The following RANBP2 variants were observed in gnomAD, a reference collection of about 807,000 sequenced individuals.
RANBP2 encodes RAN binding protein 2.
A neutral mutation model predicts 303.6 loss-of-function variants in RANBP2; 57 were observed. That is an observed-to-expected ratio of 0.19 (90% CI 0.15 to 0.23). RANBP2 has a LOEUF of 0.23. Among genes scored for constraint, RANBP2 ranks in the 10% least tolerant of loss-of-function variants. The pLI, the probability that RANBP2 is intolerant of heterozygous loss-of-function variation, is 1.00. For synonymous variants in RANBP2, 1,167 were observed against 1,301.5 expected (o/e 0.90, Z 2.23); for missense variants, 3,138 against 3,780.8 (o/e 0.83, Z 4.46).
At chr2:109,614,356 C>G in the RANBP2 span, 2 of 767,864 alleles carry the variant, frequency 2.6e-6, no homozygotes, top group Non-Finnish European at 3.5e-6. Context: ...GCCGAGTCCT[C>G]TGGCCTCAGA....
chr2:108,766,655 G>T lies in RANBP2; in HGVS notation c.6116G>T (p.Arg2039Leu). 1 of 1,611,934 alleles carries T rather than the reference G, an allele frequency of 6.2e-7. No individual in the cohort carries two copies. Among genetic ancestry groups the T allele is most frequent in the Non-Finnish European group, 8.5e-7 (1 of 1,179,852 alleles). Residue 2039 changes from arginine to leucine, a missense_variant, in exon 20 of 29, where the codon CGG (arginine) becomes CTG (leucine). This residue lies in a region of RANBP2 where 348 missense variants were observed against 360.4 expected (regional missense o/e 0.97). Coordinates refer to ENST00000283195, the MANE Select transcript of RANBP2 (RefSeq NM_006267.5). Reference sequence around the variant, plus strand: ...GATGAAAAAGTTCTGTATTCACAGCGGGTAAAACTATTTAGATTTGATGCT... The same window carrying T: ...GATGAAAAAGTTCTGTATTCACAGCTGGTAAAACTATTTAGATTTGATGCT... ...EEDEKVLYSQRVKLFRFDAEV... is the reference protein window; with the variant it reads ...EEDEKVLYSQLVKLFRFDAEV...
chr2:109,280,255 G>A, the RANBP2 span, among the ~76,000 whole-genome samples: 9 of 152,178 alleles, frequency 5.9e-5, no homozygotes, highest in Non-Finnish European at 8.8e-5. Flanking sequence ...AGGACCTAGC[G>A]TGTTGGCACT....
At chr2:109,414,571 C>T in the RANBP2 span, among the ~76,000 whole-genome samples, 1 of 152,188 alleles carries the variant, frequency 6.6e-6, no homozygotes, top group Non-Finnish European at 1.5e-5. Flanking sequence ...CACCTGGGAG[C>T]TAAGGGCTTT....
At chr2:108,891,042 T>TAC in the RANBP2 span, among the ~76,000 whole-genome samples, 1 of 152,212 alleles carries the variant, frequency 6.6e-6, no homozygotes, top group Admixed American at 6.5e-5. Flanking sequence ...ATCTCTTTGA[T>TAC]AAATTTTTCA....
chr2:109,522,915 A>G, the RANBP2 span, among the ~76,000 whole-genome samples: 39 of 152,352 alleles, frequency 2.6e-4, 1 homozygote, highest in East Asian at 6.8e-3. Flanking sequence ...TCGTGTGTTT[A>G]GACACAGCTG....
chr2:109,541,293 T>C, the RANBP2 span, among the ~76,000 whole-genome samples: 1 of 152,248 alleles, frequency 6.6e-6, no homozygotes, highest in Non-Finnish European at 1.5e-5. Context: ...CACTATGTAT[T>C]TTCAAGTCTG....
the RANBP2 span, among the ~76,000 whole-genome samples, chr2:109,605,213 A>G: frequency 3.3e-5 from 5 of 152,216 alleles, no homozygotes; most frequent in Non-Finnish European, 5.9e-5. Context: ...TGGGCTGAAT[A>G]TAATTATACC....
chr2:108,835,652 G>A, the RANBP2 span, among the ~76,000 whole-genome samples: 34 of 152,046 alleles, frequency 2.2e-4, 1 homozygote, highest in Admixed American at 3.3e-4. Flanking sequence ...AAACTGTGAC[G>A]AAAACATAAA....
At chr2:109,555,095 CCT>C in the RANBP2 span, among the ~76,000 whole-genome samples, 2 of 152,214 alleles carry the variant, frequency 1.3e-5, no homozygotes, top group Non-Finnish European at 2.9e-5. Flanking sequence ...GCTTCTAGTT[CCT>C]CTTTCTTTCA....
chr2:109,292,199 A>G, the RANBP2 span, among the ~76,000 whole-genome samples: 2 of 152,336 alleles, frequency 1.3e-5, no homozygotes, highest in African/African-American at 4.8e-5. Flanking sequence ...TCTAATTAAA[A>G]GCATCATTTA....
At chr2:109,293,178 C>T in the RANBP2 span, among the ~76,000 whole-genome samples, 1 of 152,196 alleles carries the variant, frequency 6.6e-6, no homozygotes, top group Non-Finnish European at 1.5e-5. Flanking sequence ...CCTGGGCCTC[C>T]GATGGTGCTG....
chr2:108,864,522 G>A, the RANBP2 span, among the ~76,000 whole-genome samples: 190 of 152,016 alleles, frequency 1.2e-3, 1 homozygote, highest in Middle Eastern at 0.021. Context: ...AATTAGCCGG[G>A]CACGGTGGCT....
chr2:108,890,244 T>G, the RANBP2 span, among the ~76,000 whole-genome samples: 1 of 145,318 alleles, frequency 6.9e-6, no homozygotes, highest in Non-Finnish European at 1.5e-5. Flanking sequence ...TTTTTTTTTT[T>G]TTTTTTTTTT....
the RANBP2 span, among the ~76,000 whole-genome samples, chr2:109,355,164 A>G: frequency 1.2e-3 from 178 of 152,350 alleles, 1 homozygote; most frequent in Non-Finnish European, 1.8e-4. Context: ...CAGCATATGA[A>G]AGTCTACGGG....
the RANBP2 span, among the ~76,000 whole-genome samples, chr2:109,534,371 T>C: frequency 6.6e-6 from 1 of 152,200 alleles, no homozygotes; most frequent in Non-Finnish European, 1.5e-5. Context: ...CCACCTGTTC[T>C]AGTAGGATCA....
At chr2:108,720,125 G>A (rs1309001782) in intron 1 of RANBP2, 2 of 984,418 alleles carry the variant, frequency 2.0e-6, no homozygotes, top group African/African-American at 1.8e-5. Flanking sequence ...AACCCAGTGG[G>A]GACTGACGCA....
the RANBP2 span, among the ~76,000 whole-genome samples, chr2:109,367,218 C>A: frequency 1.3e-5 from 2 of 151,530 alleles, no homozygotes; most frequent in African/African-American, 4.8e-5. Context: ...CCTACTTCGG[C>A]CTACCAAAGA....
chr2:109,571,808 C>A, the RANBP2 span, among the ~76,000 whole-genome samples: 62 of 152,282 alleles, frequency 4.1e-4, 1 homozygote, highest in African/African-American at 1.3e-3. Context: ...TCAAGGTGGA[C>A]TGCCTCTGAA....
chr2:109,337,357 C>G, the RANBP2 span, among the ~76,000 whole-genome samples: 2 of 152,246 alleles, frequency 1.3e-5, no homozygotes, highest in East Asian at 3.9e-4. Flanking sequence ...TGGCCCTGCT[C>G]CCATCTGTCC....
Sources: allele counts gnomAD v4.1 joint callset (sites outside exome capture counted in the v4.1 genomes callset), GRCh38; gene constraint gnomAD v4.1.1; regional missense constraint gnomAD v4.1.1; transcripts MANE v1.5; gene names NCBI Gene and HGNC (gene_info 2026-07-23, HGNC 2026-07-21).